BCAT1: variants seen among roughly 807,000 people sequenced by gnomAD.
BCAT1 encodes the protein branched chain amino acid transaminase 1, also known as branched-chain-amino-acid aminotransferase, cytosolic.
A neutral mutation model predicts 52.4 loss-of-function variants in BCAT1; 48 were observed. The ratio of observed to expected loss-of-function variants is 0.92; its 90% CI spans 0.73 to 1.16. BCAT1 has a LOEUF of 1.16. Ranked by LOEUF, BCAT1 falls within the 50% of genes most tolerant of loss-of-function variation. BCAT1 has a pLI of 0.00. For missense variants in BCAT1, 451 were observed against 457.1 expected (o/e 0.99, Z 0.12); for synonymous variants, 167 against 161.3 (o/e 1.04, Z -0.27).
intron 1 of BCAT1, among the ~76,000 whole-genome samples, chr12:24,914,939 A>C (rs1461455152): frequency 6.6e-6 from 1 of 152,198 alleles, no homozygotes; most frequent in South Asian, 2.1e-4. Flanking sequence ...CAAGACTAGA[A>C]TCTAATAACA....
chr12:24,872,357 C>T (rs1356772385), intron 5 of BCAT1, among the ~76,000 whole-genome samples: 1 of 152,124 alleles, frequency 6.6e-6, no homozygotes, highest in Non-Finnish European at 1.5e-5. Context: ...TTTCTTCTGC[C>T]CACTCACAAA....
At chr12:24,896,803 G>A (rs1396351011) in intron 2 of BCAT1, among the ~76,000 whole-genome samples, 1 of 152,064 alleles carries the variant, frequency 6.6e-6, no homozygotes, top group Non-Finnish European at 1.5e-5. Context: ...CCCCTATTCT[G>A]GACTATTTAG....
chr12:24,836,605 C>G lies in BCAT1; in HGVS notation c.818-9G>C. 6.2e-7 allele frequency: 1 copy of G among 1,604,246 alleles called. No homozygotes were observed. The highest frequency in any genetic ancestry group is 8.5e-7 in the Non-Finnish European group (1 of 1,173,736). On this transcript the variant is annotated splice_polypyrimidine_tract_variant and intron_variant, in intron 7 of 10. Transcript: ENST00000261192. Reference sequence around the variant, plus strand: ...AGTTGCCAGTTCTTCTTCTGTCAATCAGAAATTGGGACATTTTCAAACTTT... The same window carrying G: ...AGTTGCCAGTTCTTCTTCTGTCAATGAGAAATTGGGACATTTTCAAACTTT...
In BCAT1 at chr12:24,814,458, T is replaced by A. The variant is rs1364264696; in HGVS notation, c.*3550A>T. On this transcript the variant is annotated 3_prime_UTR_variant, in exon 11 of 11. Coordinates refer to ENST00000261192, the MANE Select transcript of BCAT1 (RefSeq NM_005504.7). The stretch of plus-strand genomic sequence containing the variant: ...CAGAATATAGTGACTGAGCACTGAG[T>A]GGGATTGAAGAAAATAAATGAGCTT... 6.8e-6 allele frequency: 1 copy of A among 147,028 alleles called. No individual in the cohort carries two copies. The highest frequency in any genetic ancestry group is 2.5e-5 in the African/African-American group (1 of 39,982). 9.1% of individuals were successfully genotyped at this position (147,028 alleles called of 1,614,324 possible). A position where few individuals can be genotyped will look rare whatever the true frequency, so the allele number is the denominator to read the frequency against.
intron 5 of BCAT1, among the ~76,000 whole-genome samples, chr12:24,862,366 C>T (rs1941868575): frequency 6.6e-6 from 1 of 152,202 alleles, no homozygotes; most frequent in African/African-American, 2.4e-5. Context: ...AGACTGGTAT[C>T]AACCACCTGC....
intron 4 of BCAT1, among the ~76,000 whole-genome samples, chr12:24,880,393 GT>G (rs1346457580): frequency 1.3e-5 from 2 of 152,198 alleles, no homozygotes; most frequent in Non-Finnish European, 2.9e-5. Flanking sequence ...GGAGGTGGAG[GT>G]TGTAGTGAGC....
At chr12:24,917,035 G>A (rs1368413037) in intron 1 of BCAT1, among the ~76,000 whole-genome samples, 1 of 151,866 alleles carries the variant, frequency 6.6e-6, no homozygotes, top group African/African-American at 2.4e-5. Context: ...TCTTGAGTCT[G>A]GAAAACAAAA....
intron 10 of BCAT1, among the ~76,000 whole-genome samples, chr12:24,828,150 A>C (rs948234054): frequency 6.6e-6 from 1 of 152,212 alleles, no homozygotes; most frequent in Non-Finnish European, 1.5e-5. Context: ...TTCATGACTT[A>C]ATGCCATCCG....
chr12:24,829,739 T>C lies in BCAT1; in HGVS notation c.1119+84A>G, dbSNP rs907979304. The C allele has an allele frequency of 3.7e-6, 4 of 1,090,970 alleles. No homozygotes were observed. The Admixed American group carries it at 1.1e-4, about 31-fold the overall frequency. The allele number at this position is 1,090,970 out of a possible 1,614,324, so 67.6% of individuals were successfully genotyped here. A position where few individuals can be genotyped will look rare whatever the true frequency, so the allele number is the denominator to read the frequency against. Reference sequence around the variant, plus strand: ...TTAATCCTCTTCATTGAAATATAATTTAGTTGTAAGCTCTGACAGAAATAA... The same window carrying C: ...TTAATCCTCTTCATTGAAATATAATCTAGTTGTAAGCTCTGACAGAAATAA... On this transcript the variant is annotated intron_variant, in intron 10 of 10. Coordinates refer to ENST00000261192, the MANE Select transcript of BCAT1 (RefSeq NM_005504.7).
rs1010178516 is a variant in BCAT1 at position 24,861,300 on chromosome 12, A to T, written c.511-11351T>A. On this transcript the variant is annotated intron_variant, in intron 5 of 10. Transcript: ENST00000261192. ...TGTTGGAATTGGCTAGCAACCCCAT[A>T]TAAGCTTGGTTCCAACAACTGCCTA... Among the ~76,000 whole-genome samples the T allele has an allele frequency of 9.8e-5, 15 of 152,352 alleles. No individual in the cohort carries two copies. In the East Asian group the frequency reaches 2.7e-3, roughly 27 times the overall value.
intron 10 of BCAT1, among the ~76,000 whole-genome samples, chr12:24,824,498 C>T (rs763489397): frequency 4.6e-5 from 7 of 152,040 alleles, no homozygotes; most frequent in Non-Finnish European, 8.8e-5. Flanking sequence ...CTGGGTCTTA[C>T]TATGTTGCCT....
intron 7 of BCAT1, among the ~76,000 whole-genome samples, chr12:24,840,901 G>A (rs776713681): frequency 6.6e-6 from 1 of 152,124 alleles, no homozygotes; most frequent in Non-Finnish European, 1.5e-5. Flanking sequence ...ACTGTGAAAT[G>A]AACAACCTAA....
chr12:24,888,808 C>T (rs1942755978), intron 3 of BCAT1, among the ~76,000 whole-genome samples: 1 of 152,134 alleles, frequency 6.6e-6, no homozygotes, highest in South Asian at 2.1e-4. Context: ...TAATGAAAAG[C>T]AGCCCCTTTC....
At chr12:24,902,184 G>A (rs1591859248) in intron 1 of BCAT1, 1 of 1,431,692 alleles carries the variant, frequency 7.0e-7, no homozygotes, top group Middle Eastern at 2.6e-4. Context: ...CGCCGGCAAA[G>A]AACAAAAAAA....
rs11612450 is a variant in BCAT1 at position 24,878,854 on chromosome 12, C to A, written c.391-205G>T. Among the ~76,000 whole-genome samples, 1,162 of 152,148 alleles carry A rather than the reference C, an allele frequency of 7.6e-3. 5 individuals carry two copies. Among genetic ancestry groups the A allele is most frequent in the Non-Finnish European group, 0.013 (860 of 67,988 alleles). ...TGTCCTAATCATTACACATTATATGCATGCATGAAAACATCAGTGTACCTC... is the reference window on the plus strand; with the variant it reads ...TGTCCTAATCATTACACATTATATGAATGCATGAAAACATCAGTGTACCTC... On this transcript the variant is annotated intron_variant, in intron 4 of 10. Transcript: ENST00000261192.
At chr12:24,912,450 G>A (rs1943342534) in intron 1 of BCAT1, among the ~76,000 whole-genome samples, 1 of 152,282 alleles carries the variant, frequency 6.6e-6, no homozygotes, top group Non-Finnish European at 1.5e-5. Flanking sequence ...AACCAGGGAG[G>A]CAGAGCTTGC....
intron 10 of BCAT1, among the ~76,000 whole-genome samples, chr12:24,829,323 G>A (rs989771509): frequency 6.6e-6 from 1 of 152,144 alleles, no homozygotes; most frequent in Non-Finnish European, 1.5e-5. Context: ...GGCAGAGGTT[G>A]CAGTGAGCCA....
chr12:24,934,078 G>T (rs540912188), intron 1 of BCAT1, among the ~76,000 whole-genome samples: 1 of 152,244 alleles, frequency 6.6e-6, no homozygotes, highest in East Asian at 1.9e-4. Flanking sequence ...GCATTCACCC[G>T]TGCAAGCTCC....
intron 10 of BCAT1, among the ~76,000 whole-genome samples, chr12:24,826,394 G>A (rs940494534): frequency 6.6e-6 from 1 of 152,098 alleles, no homozygotes; most frequent in Admixed American, 6.5e-5. Context: ...TGAAAAGACT[G>A]TCTTCCCCGT....
Sources: gnomAD v4.1 joint callset for allele counts (sites outside exome capture counted in the v4.1 genomes callset) on GRCh38, gnomAD v4.1.1 for gene constraint, MANE v1.5 for transcripts, NCBI Gene and HGNC (gene_info 2026-07-23, HGNC 2026-07-21) for gene names.